Variants in NHSL2 observed in about 807,000 individuals in gnomAD.
The protein encoded by NHSL2 is NHS like 2.
A neutral mutation model predicts 53.4 loss-of-function variants in NHSL2; 27 were observed. That is an observed-to-expected ratio of 0.51 (90% CI 0.37 to 0.70). The LOEUF (loss-of-function observed/expected upper bound fraction) is 0.70, where lower values mean the gene tolerates loss of function less well. Among genes scored for constraint, NHSL2 ranks in the 30% least tolerant of loss-of-function variants. The pLI, the probability that NHSL2 is intolerant of heterozygous loss-of-function variation, is 0.00. For missense variants in NHSL2, 892 were observed against 980.1 expected, an observed-to-expected ratio of 0.91 and a Z score of 1.20; for synonymous variants, 408 against 404.1, an observed-to-expected ratio of 1.01 and a Z score of -0.12.
At chrX:72,104,139 G>A (rs184177442) in intron 1 of NHSL2, among the ~76,000 whole-genome samples, 238 of 111,350 alleles carry the variant, frequency 2.1e-3, no homozygotes, top group Middle Eastern at 0.014. Context: ...ACTTTGTCTC[G>A]AACAGGAGCC....
chrX:71,939,117 C>A (rs2041753799), intron 1 of NHSL2, among the ~76,000 whole-genome samples: 1 of 111,924 alleles, frequency 8.9e-6, no homozygotes, highest in African/African-American at 3.3e-5. Flanking sequence ...AGTCCTTCAT[C>A]TAAACAGAGG....
chrX:71,946,684 G>C (rs938711995), intron 1 of NHSL2, among the ~76,000 whole-genome samples: 1 of 111,789 alleles, frequency 8.9e-6, no homozygotes, highest in Non-Finnish European at 1.9e-5. Context: ...CTTATCTCCT[G>C]GTTTCTCAAG....
In NHSL2 at chrX:72,020,772, A is replaced by G. The variant is rs539646467; in HGVS notation, c.280+109405A>G. ...TTTTGCCCTGGTTCCTTGCTTTTCA[A>G]TGTGTAACCCATGGACCAGTGACAT... On this transcript the variant is annotated intron_variant, in intron 1 of 7. Coordinates refer to ENST00000633930, the MANE Select transcript of NHSL2 (RefSeq NM_001013627.3). Among the ~76,000 whole-genome samples, 404 of 112,795 alleles carry G rather than the reference A, an allele frequency of 3.6e-3. 1 individual carries two copies. The highest frequency in any genetic ancestry group is 0.013 in the African/African-American group (393 of 31,052).
intron 1 of NHSL2, among the ~76,000 whole-genome samples, chrX:72,049,931 C>CA (rs1186928921): frequency 9.7e-6 from 1 of 102,742 alleles, no homozygotes; most frequent in Non-Finnish European, 2.0e-5. Context: ...CAACAATTCA[C>CA]AAAACAAGCA....
At chrX:71,963,972 T>TATATAC (rs1393598950) in intron 1 of NHSL2, among the ~76,000 whole-genome samples, 2 of 42,692 alleles carry the variant, frequency 4.7e-5, no homozygotes, top group East Asian at 8.3e-4. Flanking sequence ...CATATATATA[T>TATATAC]ACATATATAT....
In NHSL2 at chrX:71,911,139, C is replaced by A; in HGVS notation, c.52C>A (p.Pro18Thr). Residue 18 changes from proline (P) to threonine (T), a missense_variant, in exon 1 of 8, where the codon CCG (proline) becomes ACG (threonine). Transcript: ENST00000633930. Reference protein sequence around the residue: ...VVPQRLCPRNPPQQLAELRDV... With the variant: ...VVPQRLCPRNTPQQLAELRDV... The stretch of plus-strand genomic sequence containing the variant: ...ACCCCAGCGCCTGTGCCCGCGCAAC[C>A]CGCCGCAGCAGCTGGCGGAGCTCCG... The A allele has an allele frequency of 6.3e-6, 7 of 1,117,599 alleles. No homozygotes were observed. Among genetic ancestry groups the A allele is most frequent in the Non-Finnish European group, 8.2e-6 (7 of 853,121 alleles). The allele number at this position is 1,117,599 out of a possible 1,213,427, so 92.1% of individuals were successfully genotyped here.
At chrX:71,934,220 G>A (rs750828372) in intron 1 of NHSL2, among the ~76,000 whole-genome samples, 2 of 111,881 alleles carry the variant, frequency 1.8e-5, no homozygotes, top group African/African-American at 3.2e-5. Context: ...ATACCATGCC[G>A]CTTCCCAGGG....
intron 1 of NHSL2, among the ~76,000 whole-genome samples, chrX:72,093,712 A>AGCTTGCTTGCTTGCTTGCTT (rs747248899): frequency 3.7e-3 from 262 of 71,540 alleles, no homozygotes; most frequent in South Asian, 0.017. Context: ...CCCCTAGTAT[A>AGCTTGCTTGCTTGCTTGCTT]GCTTGCTTGC....
At chrX:71,957,571 A>G (rs975097016) in intron 1 of NHSL2, among the ~76,000 whole-genome samples, 9 of 111,704 alleles carry the variant, frequency 8.1e-5, no homozygotes, top group African/African-American at 2.9e-4. Context: ...TGCATCTTTT[A>G]TAACTCCCTG....
intron 1 of NHSL2, chrX:71,966,182 T>C (rs2041900251): frequency 8.9e-6 from 1 of 112,733 alleles, no homozygotes; most frequent in African/African-American, 3.2e-5. Context: ...CCTTGTATAA[T>C]TGCTTATTAG....
rs776039096 is a variant in NHSL2, at chrX:71,930,904, G to C, written c.280+19537G>C. Among the ~76,000 whole-genome samples the C allele has an allele frequency of 3.6e-5, 4 of 111,682 alleles. No individual in the cohort carries two copies. The East Asian group carries it at 1.1e-3, about 31-fold the overall frequency. ...TAAACATATGCTTTCATTTTTCTTGGGTATGTACCTAAGGAATGGAATTGC... is the reference window on the plus strand; with the variant it reads ...TAAACATATGCTTTCATTTTTCTTGCGTATGTACCTAAGGAATGGAATTGC... On this transcript the variant is annotated intron_variant, in intron 1 of 7. Transcript: ENST00000633930.
chrX:72,117,853 T>TATTTATTTATTTATCC (rs1229972858), intron 1 of NHSL2, among the ~76,000 whole-genome samples: 1 of 109,736 alleles, frequency 9.1e-6, no homozygotes, highest in African/African-American at 3.3e-5. Flanking sequence ...TTTATTTATT[T>TATTTATTTATTTATCC]ATTTATCCAT....
At chrX:72,112,721 G>A (rs1201050919) in intron 1 of NHSL2, among the ~76,000 whole-genome samples, 2 of 110,989 alleles carry the variant, frequency 1.8e-5, no homozygotes, top group Admixed American at 9.6e-5. Context: ...ATGCAGTCTC[G>A]TTCTGTTACC....
intron 1 of NHSL2, among the ~76,000 whole-genome samples, chrX:72,085,078 C>A (rs1261847773): frequency 8.9e-6 from 1 of 111,742 alleles, no homozygotes; most frequent in African/African-American, 3.3e-5. Flanking sequence ...CTATTATGAC[C>A]CTTCTAACAA....
chrX:71,997,988 C>T (rs1174452722), intron 1 of NHSL2, among the ~76,000 whole-genome samples: 1 of 112,143 alleles, frequency 8.9e-6, no homozygotes, highest in African/African-American at 3.3e-5. Context: ...TAGTGTTGCT[C>T]CTCCTTGTAA....
At chrX:71,990,381 C>A (rs764053670) in intron 1 of NHSL2, among the ~76,000 whole-genome samples, 8 of 111,157 alleles carry the variant, frequency 7.2e-5, no homozygotes, top group Non-Finnish European at 1.1e-4. Context: ...CGTTCCCACC[C>A]ACATACTTTC....
intron 1 of NHSL2, among the ~76,000 whole-genome samples, chrX:72,045,987 G>A (rs1328945409): frequency 1.8e-5 from 2 of 111,674 alleles, no homozygotes; most frequent in Non-Finnish European, 3.8e-5. Context: ...AAACAGAGCT[G>A]CAGACAACCC....
At chrX:71,942,947 GCT>G (rs767412870) in intron 1 of NHSL2, among the ~76,000 whole-genome samples, 180 of 72,192 alleles carry the variant, frequency 2.5e-3, no homozygotes, top group African/African-American at 7.4e-3. Context: ...GGGCTCTAAT[GCT>G]CTCTCTCTCT....
chrX:71,913,482 G>A (rs886779025), intron 1 of NHSL2, among the ~76,000 whole-genome samples: 29 of 112,208 alleles, frequency 2.6e-4, no homozygotes, highest in Non-Finnish European at 3.8e-4. Flanking sequence ...GTAAATAAAT[G>A]AACATTGTCA....
Sources: gnomAD v4.1 joint callset for allele counts (sites outside exome capture counted in the v4.1 genomes callset) on GRCh38, gnomAD v4.1.1 for gene constraint, MANE v1.5 for transcripts, NCBI Gene and HGNC (gene_info 2026-07-23, HGNC 2026-07-21) for gene names.